The following ODAD2 variants were observed in gnomAD, a reference collection of about 807,000 sequenced individuals.
ODAD2 encodes outer dynein arm docking complex subunit 2.
ODAD2 carries 89 observed loss-of-function variants against 106.8 expected under a neutral mutation model. The observed-to-expected ratio is 0.83, with a 90% confidence interval of 0.70 to 0.99. The LOEUF is 0.99. Among genes scored for constraint, ODAD2 ranks in the 50% least tolerant of loss-of-function variants. The probability of loss-of-function intolerance (pLI) is 0.00; values close to 1 mark genes in which losing one functional copy is unlikely to be tolerated. For missense variants in ODAD2, 1,168 were observed against 1,238.5 expected, an observed-to-expected ratio of 0.94 and a Z score of 0.85; for synonymous variants, 404 against 436.2, an observed-to-expected ratio of 0.93 and a Z score of 0.92.
At chr10:27,891,260 C>T (rs1233286378) in intron 17 of ODAD2, among the ~76,000 whole-genome samples, 1 of 152,194 alleles carries the variant, frequency 6.6e-6, no homozygotes, top group Non-Finnish European at 1.5e-5. Context: ...GCATGTATCC[C>T]AACCTCACAG....
At chr10:27,963,552 T>C (rs1848287429) in intron 9 of ODAD2, among the ~76,000 whole-genome samples, 1 of 152,204 alleles carries the variant, frequency 6.6e-6, no homozygotes, top group South Asian at 2.1e-4. Context: ...ACAATACTTT[T>C]CCTCTAACTC....
Position 27,981,594 on chromosome 10 carries a change from A to C in ODAD2, c.820-12T>G. On this transcript the variant is annotated splice_polypyrimidine_tract_variant and intron_variant, in intron 6 of 19. Transcript: ENST00000305242. ...TCATCTGTTTTGCCCTTTGGGAAAA[A>C]ACAAGTTTCATTCTATGATTAACAT... 6.6e-7 allele frequency: 1 copy of C among 1,504,014 alleles called. No homozygotes were observed. Among genetic ancestry groups the C allele is most frequent in the Non-Finnish European group, 8.9e-7 (1 of 1,124,738 alleles). The allele number at this position is 1,504,014 out of a possible 1,614,324, so 93.2% of individuals were successfully genotyped here.
At chr10:27,825,839 A>G (rs1210887114) in intron 19 of ODAD2, among the ~76,000 whole-genome samples, 1 of 152,250 alleles carries the variant, frequency 6.6e-6, no homozygotes, top group Non-Finnish European at 1.5e-5. Context: ...CTACACAATA[A>G]GTGGAACAGT....
At chr10:27,981,404 A>G in intron 7 of ODAD2, 62 bp downstream of exon 7, 4 of 1,396,520 alleles carry the variant, frequency 2.9e-6, no homozygotes, top group Non-Finnish European at 3.7e-6. Flanking sequence ...TTCTTGTACC[A>G]TAGAAAGTTG....
At chr10:27,972,698 T>C (rs148346788) in intron 7 of ODAD2, among the ~76,000 whole-genome samples, 5 of 152,244 alleles carry the variant, frequency 3.3e-5, no homozygotes, top group South Asian at 4.1e-4. Flanking sequence ...CACATACTAA[T>C]AGAGGATCAA....
intron 16 of ODAD2, among the ~76,000 whole-genome samples, chr10:27,927,062 G>T (rs1481507104): frequency 6.6e-6 from 1 of 152,028 alleles, no homozygotes; most frequent in Non-Finnish European, 1.5e-5. Context: ...AATTTATATT[G>T]AGTTTTTAAA....
intron 16 of ODAD2, among the ~76,000 whole-genome samples, chr10:27,934,140 C>T (rs996203032): frequency 2.0e-5 from 3 of 152,166 alleles, no homozygotes; most frequent in Admixed American, 6.5e-5. Context: ...ATGTGACTTG[C>T]TCCTCCTTGC....
At position 27,878,080 on chromosome 10, in the gene ODAD2, C is replaced by G. The variant is rs1182623150; in HGVS notation, c.2611-15458G>C. ...TCTAGCTCATACAGAATCAAAAGAACCTTCACTACTTAGGAGATTAGTAAT... is the reference window on the plus strand; with the variant it reads ...TCTAGCTCATACAGAATCAAAAGAAGCTTCACTACTTAGGAGATTAGTAAT... On this transcript the variant is annotated intron_variant, in intron 17 of 19. Coordinates refer to ENST00000305242, the MANE Select transcript of ODAD2 (RefSeq NM_018076.5). 3.3e-5 allele frequency among the ~76,000 whole-genome samples: 5 copies of G among 151,868 alleles called. No homozygotes were observed. In the South Asian group the frequency reaches 6.2e-4, roughly 19 times the overall value.
intron 16 of ODAD2, among the ~76,000 whole-genome samples, chr10:27,911,485 G>A (rs1449230088): frequency 6.6e-6 from 1 of 152,176 alleles, no homozygotes; most frequent in African/African-American, 2.4e-5. Context: ...ACAGTCTTGT[G>A]AGGGTGATAA....
chr10:27,885,681 A>ATATATTATATATAAAAT (rs1564466019), intron 17 of ODAD2, among the ~76,000 whole-genome samples: 12 of 13,550 alleles, frequency 8.9e-4, no homozygotes, highest in South Asian at 1.8e-3. Context: ...AAATATATAT[A>ATATATTATATATAAAAT]ATATATAATA....
At chr10:27,841,596 A>T (rs532125875) in intron 19 of ODAD2, among the ~76,000 whole-genome samples, 26 of 151,402 alleles carry the variant, frequency 1.7e-4, no homozygotes, top group Middle Eastern at 3.4e-3. Flanking sequence ...GGGTTTCACC[A>T]TGTTGGCCAG....
rs983606237 is a variant in ODAD2 at position 27,862,306 on chromosome 10, T to G, written c.2799+128A>C. On this transcript the variant is annotated intron_variant, in intron 18 of 19. Coordinates refer to ENST00000305242, the MANE Select transcript of ODAD2 (RefSeq NM_018076.5). ...AGAAACTAAATGAGTTGACCAAATC[T>G]CATACCTCATAAGCAATGGGTATTA... is the stretch of plus-strand genomic sequence containing the variant. 8.6e-6 allele frequency: 5 copies of G among 584,552 alleles called. No homozygotes were observed. The African/African-American group carries it at 9.6e-5, about 11-fold the overall frequency. 36.2% of individuals were successfully genotyped at this position (584,552 alleles called of 1,614,324 possible). A position where few individuals can be genotyped will look rare whatever the true frequency, so the allele number is the denominator to read the frequency against.
At chr10:27,904,324 G>A (rs1843428932) in intron 17 of ODAD2, 1 of 321,222 alleles carries the variant, frequency 3.1e-6, no homozygotes, top group Admixed American at 2.9e-5. Context: ...CGGGGAACAT[G>A]GCGTCATGGC....
chr10:27,827,382 T>C, intron 19 of ODAD2, among the ~76,000 whole-genome samples: 4 of 4,290 alleles, frequency 9.3e-4, no homozygotes, highest in South Asian at 0.042. Context: ...ACACACACTA[T>C]ATATATATAT....
At chr10:27,912,948 G>A (rs577442924) in intron 16 of ODAD2, among the ~76,000 whole-genome samples, 18 of 152,240 alleles carry the variant, frequency 1.2e-4, no homozygotes, top group African/African-American at 3.4e-4. Flanking sequence ...GAGGCTATGG[G>A]ACAACAAATT....
chr10:27,856,832 T>C (rs1839688463), intron 19 of ODAD2, among the ~76,000 whole-genome samples: 2 of 152,124 alleles, frequency 1.3e-5, no homozygotes, highest in Admixed American at 6.5e-5. Flanking sequence ...TCGGGCATCA[T>C]GGCGGGTGCC....
rs976167918 is a variant in ODAD2 at position 27,874,117 on chromosome 10, T to A, written c.2611-11495A>T. 2.8e-4 allele frequency among the ~76,000 whole-genome samples: 43 copies of A among 152,228 alleles called. 1 individual carries two copies. The highest frequency in any genetic ancestry group is 4.4e-5 in the Non-Finnish European group (3 of 68,034). On this transcript the variant is annotated intron_variant, in intron 17 of 19. Transcript: ENST00000305242. Reference sequence around the variant, plus strand: ...TACCTTTACCATTATGTAATGGCCTTCTTTGTCTCTTTTGATCTTTGTTGG... The same window carrying A: ...TACCTTTACCATTATGTAATGGCCTACTTTGTCTCTTTTGATCTTTGTTGG...
At chr10:27,946,178 TAA>T (rs1208414406) in intron 10 of ODAD2, among the ~76,000 whole-genome samples, 1 of 148,204 alleles carries the variant, frequency 6.7e-6, no homozygotes, top group Non-Finnish European at 1.5e-5. Context: ...TATATAAATT[TAA>T]AAGTTTAAAT....
intron 17 of ODAD2, among the ~76,000 whole-genome samples, chr10:27,898,508 T>C (rs1007382663): frequency 6.6e-6 from 1 of 152,178 alleles, no homozygotes; most frequent in Admixed American, 6.5e-5. Flanking sequence ...TCCTTAAATA[T>C]ATAGTGATCT....
Sources: allele counts gnomAD v4.1 joint callset (sites outside exome capture counted in the v4.1 genomes callset), GRCh38; gene constraint gnomAD v4.1.1; transcripts MANE v1.5; gene names NCBI Gene and HGNC (gene_info 2026-07-23, HGNC 2026-07-21).